Variants in BEND6 observed in about 807,000 individuals in gnomAD.
BEND6 encodes the protein BEN domain containing 6.
In BEND6, 24 loss-of-function variants were observed where a neutral mutation model predicts 31.8. The observed-to-expected ratio is 0.75, with a 90% CI of 0.55 to 1.06. The LOEUF (loss-of-function observed/expected upper bound fraction) is 1.06. Ranked by LOEUF, BEND6 falls within the 50% of genes least tolerant of loss-of-function variation. The pLI, the probability that BEND6 is intolerant of heterozygous loss-of-function variation, is 0.00. For synonymous variants in BEND6, 109 were observed against 114.6 expected (o/e 0.95, Z 0.31); for missense variants, 294 against 327.4 (o/e 0.90, Z 0.79).
At chr6:56,996,491 C>A (rs931457087) in intron 3 of BEND6, among the ~76,000 whole-genome samples, 4 of 151,972 alleles carry the variant, frequency 2.6e-5, no homozygotes, top group Admixed American at 1.3e-4. Context: ...ACACAAAAAT[C>A]AATGAGCTAT....
At chr6:57,022,639 C>T (rs145215641) in intron 6 of BEND6, among the ~76,000 whole-genome samples, 69 of 151,478 alleles carry the variant, frequency 4.6e-4, no homozygotes, top group African/African-American at 1.6e-3. Context: ...TGTTTTTTGG[C>T]TCTGATCTTT....
At chr6:57,017,761 AT>A (rs1368166010) in intron 5 of BEND6, among the ~76,000 whole-genome samples, 2 of 152,202 alleles carry the variant, frequency 1.3e-5, no homozygotes, top group African/African-American at 4.8e-5. Flanking sequence ...TAATTTGACC[AT>A]CCTATTTATG....
chr6:56,981,889 A>G lies in BEND6; in HGVS notation c.79A>G (p.Met27Val). Residue 27 changes from methionine to valine, a missense_variant, in exon 2 of 7, where the codon ATG (methionine) becomes GTG (valine). Coordinates refer to ENST00000370746, the MANE Select transcript of BEND6 (RefSeq NM_152731.3). Reference sequence around the variant, plus strand: ...AGGAAAGAGGAAAAGAACAGAGACAATGGACTCAGAAAATGCAAATAGTGA... The same window carrying G: ...AGGAAAGAGGAAAAGAACAGAGACAGTGGACTCAGAAAATGCAAATAGTGA... ...RKGKRKRTETMDSENANSDMD... is the reference protein window; with the variant it reads ...RKGKRKRTETVDSENANSDMD... 1.9e-6 allele frequency: 3 copies of G among 1,612,796 alleles called. No homozygotes were observed. The highest frequency in any genetic ancestry group is 1.1e-5 in the South Asian group (1 of 90,882).
intron 1 of BEND6, among the ~76,000 whole-genome samples, chr6:56,969,171 G>C (rs1382347045): frequency 1.3e-5 from 2 of 152,134 alleles, no homozygotes; most frequent in African/African-American, 4.8e-5. Flanking sequence ...TTTCCCTCTA[G>C]AAGTCAGAAC....
At chr6:56,956,805 A>G (rs545378532) in intron 1 of BEND6, among the ~76,000 whole-genome samples, 1 of 152,324 alleles carries the variant, frequency 6.6e-6, no homozygotes, top group East Asian at 1.9e-4. Flanking sequence ...AAACTATTCA[A>G]CAATTATGCA....
chr6:57,020,503 C>T (rs909155862), intron 6 of BEND6, among the ~76,000 whole-genome samples: 1 of 152,162 alleles, frequency 6.6e-6, no homozygotes, highest in Admixed American at 6.5e-5. Flanking sequence ...TCACTACAAC[C>T]TCCACCTCCT....
chr6:57,015,972 A>C (rs1280780593), intron 4 of BEND6, among the ~76,000 whole-genome samples: 1 of 152,174 alleles, frequency 6.6e-6, no homozygotes, highest in Admixed American at 6.5e-5. Flanking sequence ...AATAAAAACT[A>C]ATATTTGTAA....
At position 56,963,936 on chromosome 6, in the gene BEND6, AT is replaced by A. The variant is rs1448628728; in HGVS notation, c.-101+8481del. ...AATATACTTCGTTATAAAATAAAAT[AT>A]TTTTGTAATAATATTGATATAATTA... On this transcript the variant is annotated intron_variant, in intron 1 of 6. Coordinates refer to ENST00000370746, the MANE Select transcript of BEND6 (RefSeq NM_152731.3). 2.0e-5 allele frequency among the ~76,000 whole-genome samples: 3 copies of A among 147,828 alleles called. No individual in the cohort carries two copies. The Admixed American group carries it at 2.0e-4, about 10-fold the overall frequency.
chr6:56,956,816 G>C (rs554197096), intron 1 of BEND6, among the ~76,000 whole-genome samples: 1 of 152,342 alleles, frequency 6.6e-6, no homozygotes, highest in Non-Finnish European at 1.5e-5. Flanking sequence ...CAATTATGCA[G>C]AGGTTATTGA....
chr6:56,986,243 A>G (rs1162441708), intron 2 of BEND6, among the ~76,000 whole-genome samples: 1 of 152,170 alleles, frequency 6.6e-6, no homozygotes, highest in African/African-American at 2.4e-5. Flanking sequence ...TAACAATGAA[A>G]TATACAAACA....
intron 3 of BEND6, chr6:57,004,654 GCATTA>G: frequency 8.1e-7 from 1 of 1,229,438 alleles, no homozygotes; most frequent in Non-Finnish European, 1.2e-6. Flanking sequence ...AATGGAGTGG[GCATTA>G]CATTTGGAAA....
At chr6:56,988,592 C>T (rs1392147778) in intron 2 of BEND6, among the ~76,000 whole-genome samples, 2 of 152,136 alleles carry the variant, frequency 1.3e-5, no homozygotes, top group Admixed American at 1.3e-4. Context: ...ATACAATGAT[C>T]TCCAATAAAG....
At chr6:57,005,282 AC>A (rs1462353484) in intron 3 of BEND6, among the ~76,000 whole-genome samples, 3 of 152,218 alleles carry the variant, frequency 2.0e-5, no homozygotes, top group East Asian at 3.8e-4. Flanking sequence ...CACATTAATT[AC>A]AATTATAAAA....
rs1450056805 is a variant in BEND6 at position 56,981,874 on chromosome 6, A to G, written c.64A>G (p.Lys22Glu). Residue 22 changes from lysine to glutamate, a missense_variant, in exon 2 of 7, where the codon AAA becomes GAA. Transcript: ENST00000370746. ...ACAAGCTTTTAGAAAAGGAAAGAGG[A>G]AAAGAACAGAGACAATGGACTCAGA... ...NTQAFRKGKRKRTETMDSENA... is the reference protein window; with the variant it reads ...NTQAFRKGKRERTETMDSENA... 12 of 1,613,222 alleles carry G rather than the reference A, an allele frequency of 7.4e-6. No homozygotes were observed. The highest frequency in any genetic ancestry group is 9.3e-6 in the Non-Finnish European group (11 of 1,179,544).
chr6:56,958,072 C>G (rs918853814), intron 1 of BEND6, among the ~76,000 whole-genome samples: 4 of 152,250 alleles, frequency 2.6e-5, no homozygotes, highest in African/African-American at 7.2e-5. Flanking sequence ...AGGAAGGAAC[C>G]CAACCTGTTC....
At chr6:56,992,609 G>C in intron 3 of BEND6, 54 bp downstream of exon 3, 1 of 1,514,166 alleles carries the variant, frequency 6.6e-7, no homozygotes, top group East Asian at 2.3e-5. Flanking sequence ...TATGATCAGT[G>C]GAAAGTATTG....
chr6:56,956,583 A>G (rs188026344), intron 1 of BEND6, among the ~76,000 whole-genome samples: 1 of 152,212 alleles, frequency 6.6e-6, no homozygotes, highest in African/African-American at 2.4e-5. Flanking sequence ...GACATGTTGC[A>G]TCTCATTCAT....
chr6:56,995,693 T>C (rs1208510714), intron 3 of BEND6, among the ~76,000 whole-genome samples: 1 of 152,170 alleles, frequency 6.6e-6, no homozygotes, highest in South Asian at 2.1e-4. Flanking sequence ...CTCTCCCTTT[T>C]TATAAGAACA....
rs1827922668 is a variant in BEND6 at position 57,026,955 on chromosome 6, T to C, written c.*883T>C. ...TAGTTGGTCGATTACATTGCTATAC[T>C]GCTTAGTTTTAACTGGTTTATTTTT... is the stretch of plus-strand genomic sequence containing the variant. On this transcript the variant is annotated 3_prime_UTR_variant, in exon 7 of 7. Coordinates refer to ENST00000370746, the MANE Select transcript of BEND6 (RefSeq NM_152731.3). The C allele has an allele frequency of 6.6e-6, 1 of 152,246 alleles. No homozygotes were observed. Among genetic ancestry groups the C allele is most frequent in the South Asian group, 2.1e-4 (1 of 4,836 alleles). 9.4% of individuals were successfully genotyped at this position (152,246 alleles called of 1,614,324 possible).
Sources: gnomAD v4.1 joint callset for allele counts (sites outside exome capture counted in the v4.1 genomes callset) on GRCh38, gnomAD v4.1.1 for gene constraint, MANE v1.5 for transcripts, NCBI Gene and HGNC (gene_info 2026-07-23, HGNC 2026-07-21) for gene names.